The following AVEN variants were observed in gnomAD, a reference collection of about 807,000 sequenced individuals.
The protein encoded by AVEN is cell death regulator Aven.
AVEN carries 41 observed loss-of-function variants against 38.1 expected under a neutral mutation model. The ratio of observed to expected loss-of-function variants is 1.08; its 90% confidence interval spans 0.84 to 1.40. The LOEUF (loss-of-function observed/expected upper bound fraction) is 1.40. Among genes scored for constraint, AVEN ranks in the 40% most tolerant of loss-of-function variants. The probability of loss-of-function intolerance (pLI) is 0.00; values close to 1 mark genes in which losing one functional copy is unlikely to be tolerated. For synonymous variants in AVEN, 206 were observed against 171.8 expected, an observed-to-expected ratio of 1.20 and a Z score of -1.56; for missense variants, 605 against 438.8, an observed-to-expected ratio of 1.38 and a Z score of -3.38.
intron 2 of AVEN, among the ~76,000 whole-genome samples, chr15:33,993,109 G>A (rs903160449): frequency 2.6e-5 from 4 of 152,238 alleles, no homozygotes; most frequent in Non-Finnish European, 5.9e-5. Flanking sequence ...ATCTTGAAAG[G>A]AACAGACAAT....
At chr15:34,051,256 T>C (rs183036948) in intron 5 of AVEN, among the ~76,000 whole-genome samples, 2 of 151,918 alleles carry the variant, frequency 1.3e-5, no homozygotes, top group Admixed American at 6.6e-5. Context: ...CCTGGGCAAA[T>C]AATGAAATTA....
intron 2 of AVEN, chr15:33,972,228 A>G (rs1345814205): frequency 6.6e-6 from 1 of 152,096 alleles, no homozygotes; most frequent in Non-Finnish European, 1.5e-5. Context: ...ACCAGTAAGC[A>G]AGCAGACAGT....
chr15:33,853,072 GT>G, the AVEN span: 1 of 1,602,124 alleles, frequency 6.2e-7, no homozygotes, highest in South Asian at 1.1e-5. Context: ...ACTGGGACAA[GT>G]TTGTAAAGAG....
chr15:34,029,080 G>A (rs907993724), intron 1 of AVEN, among the ~76,000 whole-genome samples: 2 of 151,948 alleles, frequency 1.3e-5, no homozygotes, highest in East Asian at 1.9e-4. Context: ...CTCTGCAGAC[G>A]TTCATGCTAC....
chr15:34,063,514 G>A lies in AVEN; in HGVS notation n.1127-82C>T, dbSNP rs762383940. The stretch of plus-strand genomic sequence containing the variant: ...CGACCCACCCTGGCCCAGCGGGAAA[G>A]GAACCAGGCCTCCTGGTCATCCTCC... On this transcript the variant is annotated intron_variant and non_coding_transcript_variant, in intron 4 of 11. Transcript: ENST00000675287. The surrounding 1 kb of genome is among the most constrained non-coding windows in gnomAD (Gnocchi z 4.1). 6.2e-7 allele frequency: 1 copy of A among 1,613,650 alleles called. No homozygotes were observed. Among genetic ancestry groups the A allele is most frequent in the Non-Finnish European group, 8.5e-7 (1 of 1,180,040 alleles).
intron 1 of AVEN, among the ~76,000 whole-genome samples, chr15:34,014,881 G>A (rs1019769694): frequency 2.6e-5 from 4 of 152,146 alleles, no homozygotes; most frequent in Admixed American, 6.5e-5. Context: ...ACTCCTGGGG[G>A]CAGAATTCAA....
chr15:33,974,830 G>A (rs576734072), intron 2 of AVEN, among the ~76,000 whole-genome samples: 8 of 152,116 alleles, frequency 5.3e-5, no homozygotes, highest in Non-Finnish European at 7.3e-5. Context: ...AAAATTAGCC[G>A]GGTGTGGTGG....
Position 33,908,476 on chromosome 15 carries a change from A to G in AVEN, c.446-32481T>C, listed in dbSNP as rs1474562725. On this transcript the variant is annotated intron_variant, in intron 2 of 5. Coordinates refer to ENST00000306730, the MANE Select transcript of AVEN (RefSeq NM_020371.3). Reference sequence around the variant, plus strand: ...CATTTATAGAGTATAAAATCACTCTATAATTGCAAATGGGCAAATAGGTTA... The same window carrying G: ...CATTTATAGAGTATAAAATCACTCTGTAATTGCAAATGGGCAAATAGGTTA... 2.0e-5 allele frequency among the ~76,000 whole-genome samples: 3 copies of G among 147,956 alleles called. 1 individual carries two copies. Among genetic ancestry groups the G allele is most frequent in the Non-Finnish European group, 3.0e-5 (2 of 66,064 alleles).
chr15:33,871,066 T>G, intron 3 of AVEN, 36 bp from the exon 4 acceptor site: 1 of 1,250,984 alleles, frequency 8.0e-7, no homozygotes, highest in Non-Finnish European at 1.1e-6. Flanking sequence ...AAATATCAGG[T>G]GATGATTATG....
chr15:33,964,990 T>C (rs1895332053), intron 2 of AVEN, among the ~76,000 whole-genome samples: 1 of 152,172 alleles, frequency 6.6e-6, no homozygotes, highest in African/African-American at 2.4e-5. Flanking sequence ...CAGTTCAACA[T>C]CTTAATAACA....
At chr15:34,004,924 A>G (rs932373226) in intron 1 of AVEN, among the ~76,000 whole-genome samples, 5 of 152,166 alleles carry the variant, frequency 3.3e-5, no homozygotes, top group Admixed American at 2.0e-4. Context: ...AAAAATGAGT[A>G]AAATTATTAA....
intron 2 of AVEN, among the ~76,000 whole-genome samples, chr15:33,948,483 A>G (rs1025822391): frequency 1.3e-5 from 2 of 150,200 alleles, no homozygotes; most frequent in Non-Finnish European, 3.0e-5. Flanking sequence ...ATAAAAATAA[A>G]GTAACAATAC....
At chr15:33,874,703 C>T (rs142904898) in intron 3 of AVEN, among the ~76,000 whole-genome samples, 41 of 152,340 alleles carry the variant, frequency 2.7e-4, no homozygotes, top group African/African-American at 9.1e-4. Flanking sequence ...AATGAACAGG[C>T]ATGGTCTGTC....
At chr15:33,878,224 A>G (rs369881690) in intron 2 of AVEN, among the ~76,000 whole-genome samples, 1 of 152,312 alleles carries the variant, frequency 6.6e-6, no homozygotes, top group South Asian at 2.1e-4. Flanking sequence ...TATGAAACGA[A>G]GATATGCTTT....
At chr15:33,990,032 G>A (rs1199724795) in intron 2 of AVEN, among the ~76,000 whole-genome samples, 5 of 151,640 alleles carry the variant, frequency 3.3e-5, no homozygotes, top group African/African-American at 7.3e-5. Context: ...GTGAAACCCC[G>A]TCTCTACTAA....
At position 33,961,687 on chromosome 15, in the gene AVEN, C is replaced by G. The variant is rs573410735; in HGVS notation, c.445+41345G>C. 6.3e-4 allele frequency among the ~76,000 whole-genome samples: 95 copies of G among 151,454 alleles called. No individual in the cohort carries two copies. The South Asian group carries it at 7.3e-3, about 12-fold the overall frequency. Reference sequence around the variant, plus strand: ...AATTAGCCGGGCGTGGTGGCGGGCACCTGTAGTCCCAGCTACTCGGGAGGC... The same window carrying G: ...AATTAGCCGGGCGTGGTGGCGGGCAGCTGTAGTCCCAGCTACTCGGGAGGC... On this transcript the variant is annotated intron_variant, in intron 2 of 5. Transcript: ENST00000306730.
chr15:33,983,521 C>T (rs923108915), intron 2 of AVEN, among the ~76,000 whole-genome samples: 3 of 151,958 alleles, frequency 2.0e-5, no homozygotes, highest in Non-Finnish European at 4.4e-5. Context: ...ATAACTTGAC[C>T]TCTTGTCCAA....
rs182714393 is a variant in AVEN, at chr15:34,027,444, G to A, written c.267+11336C>T. Among the ~76,000 whole-genome samples, 660 of 151,384 alleles carry A rather than the reference G, an allele frequency of 4.4e-3. 2 individuals carry two copies. Among genetic ancestry groups the A allele is most frequent in the Non-Finnish European group, 6.3e-3 (428 of 67,868 alleles). ...CACAGGAGGCTGAGGCAGGAGAATC[G>A]CTTGAACCCGGAAGGCAGAGGTTGC... On this transcript the variant is annotated intron_variant, in intron 1 of 5. Transcript: ENST00000306730.
At chr15:33,930,063 A>G (rs1329097326) in intron 2 of AVEN, among the ~76,000 whole-genome samples, 39 of 152,234 alleles carry the variant, frequency 2.6e-4, no homozygotes, top group Non-Finnish European at 1.9e-4. Flanking sequence ...TAAAAGCACC[A>G]GTGTCTTGAC....
Sources: gnomAD v4.1 joint callset for allele counts (sites outside exome capture counted in the v4.1 genomes callset) on GRCh38, gnomAD v4.1.1 for gene constraint, Gnocchi (gnomAD v3.1) non-coding constraint, MANE v1.5 for transcripts, NCBI Gene and HGNC (gene_info 2026-07-23, HGNC 2026-07-21) for gene names.